The following CNTN4 variants were observed in gnomAD, a reference collection of about 807,000 sequenced individuals.
CNTN4 encodes the protein contactin-4.
A neutral mutation model predicts 122.5 loss-of-function variants in CNTN4; 77 were observed. That is an observed-to-expected ratio of 0.63 (90% confidence interval 0.52 to 0.76). The LOEUF is 0.76. Ranked by LOEUF, CNTN4 falls within the 30% of genes least tolerant of loss-of-function variation. CNTN4 has a pLI of 0.00. For synonymous variants in CNTN4, 512 were observed against 447.0 expected (o/e 1.15, Z -1.83); for missense variants, 1,256 against 1,259.1 (o/e 1.00, Z 0.04).
chr3:2,549,693 T>C (rs2078400949), intron 3 of CNTN4, among the ~76,000 whole-genome samples: 1 of 152,172 alleles, frequency 6.6e-6, no homozygotes, highest in Non-Finnish European at 1.5e-5. Context: ...GGTTTTGGTA[T>C]CAGGATGATG....
chr3:2,906,847 A>C (rs2094240133), intron 12 of CNTN4, among the ~76,000 whole-genome samples: 6 of 149,060 alleles, frequency 4.0e-5, no homozygotes, highest in Admixed American at 2.7e-4. Context: ...TCCTTCTCAA[A>C]AAAAAAAAAA....
chr3:2,962,682 G>C (rs1019014445), intron 13 of CNTN4, among the ~76,000 whole-genome samples: 2 of 152,190 alleles, frequency 1.3e-5, no homozygotes, highest in African/African-American at 4.8e-5. Flanking sequence ...AGCTTTGGTT[G>C]TAAGACACAG....
At chr3:2,572,326 C>T (rs1399310476) in intron 4 of CNTN4, among the ~76,000 whole-genome samples, 2 of 152,140 alleles carry the variant, frequency 1.3e-5, no homozygotes, top group African/African-American at 4.8e-5. Context: ...GCGAAGGTTG[C>T]AGTGAGCCGA....
At chr3:2,242,135 A>G (rs2039965528) in intron 2 of CNTN4, among the ~76,000 whole-genome samples, 1 of 152,200 alleles carries the variant, frequency 6.6e-6, no homozygotes, top group Non-Finnish European at 1.5e-5. Flanking sequence ...AACTTTTAAA[A>G]TTAAGGGTCA....
intron 6 of CNTN4, among the ~76,000 whole-genome samples, chr3:2,747,557 A>T (rs1203778750): frequency 6.6e-6 from 1 of 152,176 alleles, no homozygotes. Context: ...CATCAGAAAG[A>T]TAGAATCTCA....
rs567087865 is a variant in CNTN4 at position 2,809,582 on chromosome 3, G to A, written c.359-9904G>A. On this transcript the variant is annotated intron_variant, in intron 6 of 24. Transcript: ENST00000418658. Reference sequence around the variant, plus strand: ...TTCTGAAACCTTTGTTTCTCTTTGTGTTGTGTAAGTATGAAACCAAAGATA... The same window carrying A: ...TTCTGAAACCTTTGTTTCTCTTTGTATTGTGTAAGTATGAAACCAAAGATA... Among the ~76,000 whole-genome samples the A allele has an allele frequency of 5.3e-5, 8 of 152,282 alleles. No individual in the cohort carries two copies. In the East Asian group the frequency reaches 1.5e-3, roughly 29 times the overall value.
At chr3:2,759,950 A>G (rs1011932963) in intron 6 of CNTN4, among the ~76,000 whole-genome samples, 1 of 152,088 alleles carries the variant, frequency 6.6e-6, no homozygotes, top group Non-Finnish European at 1.5e-5. Flanking sequence ...ACATATTCCC[A>G]TATGTTTATT....
chr3:2,588,455 C>T (rs979872571), intron 4 of CNTN4, among the ~76,000 whole-genome samples: 1 of 150,906 alleles, frequency 6.6e-6, no homozygotes. Flanking sequence ...CAACCTCTGC[C>T]TCCCAGGTTC....
chr3:2,972,941 G>A (rs761694694), intron 13 of CNTN4, among the ~76,000 whole-genome samples: 2 of 151,134 alleles, frequency 1.3e-5, no homozygotes, highest in African/African-American at 2.4e-5. Context: ...TCTCTTTTTC[G>A]GTCATCAACT....
chr3:2,324,222 CAA>C (rs1408319907), intron 2 of CNTN4, among the ~76,000 whole-genome samples: 6 of 152,006 alleles, frequency 3.9e-5, no homozygotes, highest in Non-Finnish European at 8.8e-5. Context: ...TGGGCTAATT[CAA>C]AGAGGCTTAG....
intron 4 of CNTN4, among the ~76,000 whole-genome samples, chr3:2,692,237 G>A (rs962642211): frequency 1.3e-5 from 2 of 152,198 alleles, no homozygotes; most frequent in Non-Finnish European, 2.9e-5. Flanking sequence ...AGGAGGAAAA[G>A]TTGGCAAGAA....
At chr3:2,499,136 GA>G (rs2076529373) in intron 3 of CNTN4, among the ~76,000 whole-genome samples, 1 of 152,130 alleles carries the variant, frequency 6.6e-6, no homozygotes, top group African/African-American at 2.4e-5. Context: ...CCTAACCCTA[GA>G]TCTTGAAGAT....
intron 4 of CNTN4, among the ~76,000 whole-genome samples, chr3:2,653,634 T>TA (rs1372631588): frequency 2.0e-5 from 3 of 152,208 alleles, no homozygotes; most frequent in Non-Finnish European, 4.4e-5. Flanking sequence ...ATTTTCTCTC[T>TA]AAAACCTCTG....
At chr3:2,269,092 A>G (rs1053779732) in intron 2 of CNTN4, among the ~76,000 whole-genome samples, 4 of 152,116 alleles carry the variant, frequency 2.6e-5, no homozygotes, top group African/African-American at 9.7e-5. Flanking sequence ...TGAGAAATAA[A>G]TCCACACTGA....
intron 3 of CNTN4, among the ~76,000 whole-genome samples, chr3:2,396,963 A>G (rs191935730): frequency 5.3e-5 from 8 of 152,272 alleles, no homozygotes; most frequent in Non-Finnish European, 1.2e-4. Flanking sequence ...AGTAAAGGAT[A>G]TTTTTGTGTG....
chr3:3,022,763 T>C (rs1698409580), intron 14 of CNTN4, among the ~76,000 whole-genome samples: 1 of 152,128 alleles, frequency 6.6e-6, no homozygotes, highest in Non-Finnish European at 1.5e-5. Context: ...AAGCACTTGG[T>C]AAATATATAG....
intron 4 of CNTN4, among the ~76,000 whole-genome samples, chr3:2,667,177 C>T (rs2084218188): frequency 6.6e-6 from 1 of 152,188 alleles, no homozygotes; most frequent in African/African-American, 2.4e-5. Context: ...CTAACTTCCA[C>T]AATGGTTGAA....
chr3:2,794,543 A>G (rs763720091), intron 6 of CNTN4, among the ~76,000 whole-genome samples: 8 of 152,220 alleles, frequency 5.3e-5, no homozygotes, highest in Non-Finnish European at 1.2e-4. Context: ...GTAGAAGAAG[A>G]GTGAAAGTAT....
At chr3:2,326,159 C>T (rs1231876741) in intron 2 of CNTN4, among the ~76,000 whole-genome samples, 4 of 152,134 alleles carry the variant, frequency 2.6e-5, no homozygotes, top group Non-Finnish European at 5.9e-5. Flanking sequence ...GGGCCTTATG[C>T]AATCAGCTGA....
Sources: allele counts gnomAD v4.1 joint callset (sites outside exome capture counted in the v4.1 genomes callset), GRCh38; gene constraint gnomAD v4.1.1; transcripts MANE v1.5; gene names NCBI Gene and HGNC (gene_info 2026-07-23, HGNC 2026-07-21).